The following IL1RAPL2 variants were observed in gnomAD, a reference collection of about 807,000 sequenced individuals.
IL1RAPL2 encodes interleukin 1 receptor accessory protein like 2.
Under a neutral mutation model 44.1 loss-of-function variants are expected in IL1RAPL2, and 3 were observed. The ratio of observed to expected loss-of-function variants is 0.07; its 90% CI spans 0.03 to 0.18. The LOEUF is 0.18. Among genes scored for constraint, IL1RAPL2 ranks in the 10% least tolerant of loss-of-function variants. The pLI, the probability that IL1RAPL2 is intolerant of heterozygous loss-of-function variation, is 1.00. For synonymous variants in IL1RAPL2, 181 were observed against 178.8 expected (o/e 1.01, Z -0.10); for missense variants, 391 against 496.4 (o/e 0.79, Z 2.02).
chrX:104,945,741 A>T (rs775624804), intron 2 of IL1RAPL2, among the ~76,000 whole-genome samples: 1 of 112,198 alleles, frequency 8.9e-6, no homozygotes, highest in Admixed American at 9.5e-5. Context: ...GAATACGCCA[A>T]TGAGCAGTTT....
intron 4 of IL1RAPL2, among the ~76,000 whole-genome samples, chrX:105,246,811 C>T (rs1309592354): frequency 8.1e-5 from 9 of 111,226 alleles, no homozygotes; most frequent in African/African-American, 2.9e-4. Context: ...ACAACTGGGT[C>T]GATTTAAATT....
intron 2 of IL1RAPL2, among the ~76,000 whole-genome samples, chrX:105,037,955 T>G (rs971880305): frequency 8.9e-6 from 1 of 111,953 alleles, no homozygotes; most frequent in Non-Finnish European, 1.9e-5. Flanking sequence ...AGCCCAATCC[T>G]TTAAAAGTAT....
intron 4 of IL1RAPL2, among the ~76,000 whole-genome samples, chrX:105,242,388 C>T (rs1272731059): frequency 4.5e-5 from 5 of 111,991 alleles, no homozygotes; most frequent in African/African-American, 1.3e-4. Flanking sequence ...TCCTTTTAAA[C>T]CAATTAATCA....
chrX:105,042,927 A>G (rs2031772934), intron 2 of IL1RAPL2, among the ~76,000 whole-genome samples: 1 of 107,425 alleles, frequency 9.3e-6, no homozygotes, highest in South Asian at 4.3e-4. Flanking sequence ...TGTCCTTTGT[A>G]GGGACATGGA....
Position 105,197,599 on chromosome X carries a change from C to T in IL1RAPL2, c.356+1851C>T, listed in dbSNP as rs141251307. On this transcript the variant is annotated intron_variant, in intron 3 of 10. Transcript: ENST00000372582. Reference sequence around the variant, plus strand: ...AGCAATAATAACAACTTAGTGATCCCTACATGCATTTCCCCTACTGTTTTA... The same window carrying T: ...AGCAATAATAACAACTTAGTGATCCTTACATGCATTTCCCCTACTGTTTTA... Among the ~76,000 whole-genome samples the T allele has an allele frequency of 8.5e-3, 944 of 111,373 alleles. 8 individuals are homozygous for T. Among genetic ancestry groups the T allele is most frequent in the South Asian group, 0.013 (35 of 2,623 alleles).
Position 105,029,484 on chromosome X carries a change from G to A in IL1RAPL2, c.83-165991G>A, listed in dbSNP as rs1450279065. Among the ~76,000 whole-genome samples the A allele has an allele frequency of 7.4e-5, 7 of 95,097 alleles. No individual in the cohort carries two copies. In the Admixed American group the frequency reaches 7.9e-4, roughly 11 times the overall value. The allele number at this position is 95,097 out of a possible 115,157, so 82.6% of individuals were successfully genotyped here. Reference sequence around the variant, plus strand: ...TTCTCATTCTTCAATTCCCACCTATGAGTGAGAACATCCAGTGTTTGGTTT... The same window carrying A: ...TTCTCATTCTTCAATTCCCACCTATAAGTGAGAACATCCAGTGTTTGGTTT... On this transcript the variant is annotated intron_variant, in intron 2 of 10. Coordinates refer to ENST00000372582, the MANE Select transcript of IL1RAPL2 (RefSeq NM_017416.2).
chrX:105,610,556 C>CT (rs1439905361), intron 6 of IL1RAPL2, among the ~76,000 whole-genome samples: 2 of 111,519 alleles, frequency 1.8e-5, no homozygotes, highest in African/African-American at 6.5e-5. Context: ...AAGTCATGCA[C>CT]TATATAACAA....
chrX:105,051,730 G>T (rs73520234), intron 2 of IL1RAPL2, among the ~76,000 whole-genome samples: 9,485 of 112,631 alleles, frequency 0.084, 1,014 homozygotes, highest in African/African-American at 0.29. Flanking sequence ...GCCTCCCTGC[G>T]GTAGCCGGTG....
At chrX:104,844,247 G>A (rs1003793446) in intron 2 of IL1RAPL2, among the ~76,000 whole-genome samples, 4 of 111,192 alleles carry the variant, frequency 3.6e-5, no homozygotes, top group Non-Finnish European at 7.5e-5. Flanking sequence ...ATTGCACCAA[G>A]TGGTACAGAT....
chrX:105,432,544 ATCATTAAGCCCCCCCTTTTTTTGC>A (rs1462651733), intron 5 of IL1RAPL2, among the ~76,000 whole-genome samples: 2 of 111,207 alleles, frequency 1.8e-5, no homozygotes, highest in Non-Finnish European at 3.8e-5. Context: ...ATCTAGAACT[ATCATTAAGCCCCCCCTTTTTTTGC>A]TTTTGTTTGG....
chrX:104,744,432 G>A (rs1221370844), intron 2 of IL1RAPL2, among the ~76,000 whole-genome samples: 1 of 111,396 alleles, frequency 9.0e-6, no homozygotes, highest in Non-Finnish European at 1.9e-5. Flanking sequence ...TCAAAACATA[G>A]TAGGTTAATT....
intron 2 of IL1RAPL2, among the ~76,000 whole-genome samples, chrX:104,719,872 T>C (rs1264744414): frequency 9.0e-6 from 1 of 111,657 alleles, no homozygotes; most frequent in African/African-American, 3.2e-5. Flanking sequence ...ATAATGTCCC[T>C]GATTTGCCTC....
At chrX:104,891,750 C>T (rs1923449042) in intron 2 of IL1RAPL2, among the ~76,000 whole-genome samples, 1 of 111,498 alleles carries the variant, frequency 9.0e-6, no homozygotes, top group African/African-American at 3.3e-5. Context: ...ACAAGAACAA[C>T]TTGACTTCCT....
chrX:105,585,503 A>G (rs965062959), intron 6 of IL1RAPL2, among the ~76,000 whole-genome samples: 3 of 110,390 alleles, frequency 2.7e-5, no homozygotes, highest in African/African-American at 9.9e-5. Context: ...CTCTTTTCCT[A>G]ATGCTCTCCC....
At chrX:104,735,865 C>T (rs187930452) in intron 2 of IL1RAPL2, among the ~76,000 whole-genome samples, 5 of 111,576 alleles carry the variant, frequency 4.5e-5, no homozygotes, top group South Asian at 3.8e-4. Flanking sequence ...AAGATCTCAT[C>T]CTTAACATCT....
chrX:105,699,359 T>A (rs758199068), intron 6 of IL1RAPL2, among the ~76,000 whole-genome samples: 1 of 111,552 alleles, frequency 9.0e-6, no homozygotes, highest in East Asian at 2.9e-4. Flanking sequence ...CAAATGTTTA[T>A]GAGAGCCTAC....
intron 5 of IL1RAPL2, among the ~76,000 whole-genome samples, chrX:105,424,160 C>T (rs959709451): frequency 1.8e-5 from 2 of 112,251 alleles, no homozygotes; most frequent in South Asian, 3.7e-4. Context: ...GATGCACACC[C>T]GTGACACAGC....
At chrX:105,368,406 T>C (rs1677187944) in intron 5 of IL1RAPL2, among the ~76,000 whole-genome samples, 1 of 111,702 alleles carries the variant, frequency 9.0e-6, no homozygotes. Context: ...CTTCATAAAT[T>C]ACCCAGTCTC....
rs1329946371 is a variant in IL1RAPL2 at position 105,749,047 on chromosome X, A to C, written c.1136A>C (p.Asn379Thr). Residue 379 changes from asparagine to threonine, a missense_variant, in exon 9 of 11, where the codon AAC becomes ACC. Asn to Thr is a moderately conservative substitution (Grantham distance 65, BLOSUM62 0). Around this residue, in one of 2 missense-constraint regions of IL1RAPL2, gnomAD observed 232 missense variants for 244.8 expected, o/e 0.95. Coordinates refer to ENST00000372582, the MANE Select transcript of IL1RAPL2 (RefSeq NM_017416.2). ...VLLVVIYKCYNIELMLFYRQH... is the reference protein window; with the variant it reads ...VLLVVIYKCYTIELMLFYRQH... ...CTGGTGGTCATTTACAAATGCTACA[A>C]CATTGAATTGATGCTCTTCTACAGG... The C allele has an allele frequency of 1.5e-5, 18 of 1,207,983 alleles. No homozygotes were observed. Among genetic ancestry groups the C allele is most frequent in the Non-Finnish European group, 2.0e-5 (18 of 893,579 alleles).
Sources: gnomAD v4.1 joint callset for allele counts (sites outside exome capture counted in the v4.1 genomes callset) on GRCh38, gnomAD v4.1.1 for gene constraint, gnomAD v4.1.1 regional missense constraint, MANE v1.5 for transcripts, NCBI Gene and HGNC (gene_info 2026-07-23, HGNC 2026-07-21) for gene names.